Variants in NAV1 observed in about 807,000 individuals in gnomAD.
NAV1 encodes the protein pore membrane and/or filament interacting like protein 3.
Under a neutral mutation model 175.2 loss-of-function variants are expected in NAV1, and 18 were observed. The ratio of observed to expected loss-of-function variants is 0.10; its 90% confidence interval spans 0.07 to 0.15. NAV1 has a LOEUF of 0.15. NAV1 is among the 10% of genes least tolerant of loss of function. The probability of loss-of-function intolerance (pLI) is 1.00; values close to 1 mark genes in which losing one functional copy is unlikely to be tolerated. For synonymous variants in NAV1, 897 were observed against 978.7 expected (o/e 0.92, Z 1.56); for missense variants, 1,731 against 2,436.6 (o/e 0.71, Z 6.10).
chr1:201,693,393 G>A (rs145317592), intron 1 of NAV1, among the ~76,000 whole-genome samples: 1 of 152,210 alleles, frequency 6.6e-6, no homozygotes, highest in Non-Finnish European at 1.5e-5. Flanking sequence ...GCTGAATGGA[G>A]GCTGCTCACT....
chr1:201,674,862 C>T (rs771190371), intron 1 of NAV1, among the ~76,000 whole-genome samples: 11 of 152,084 alleles, frequency 7.2e-5, no homozygotes, highest in Non-Finnish European at 1.5e-4. Flanking sequence ...CATGGTGAAA[C>T]CCAATCTCTA....
intron 1 of NAV1, among the ~76,000 whole-genome samples, chr1:201,654,718 G>T (rs1309406745): frequency 2.0e-5 from 3 of 151,934 alleles, no homozygotes; most frequent in Non-Finnish European, 4.4e-5. Context: ...CCTTCCCTGA[G>T]ATTTCATAGA....
chr1:201,568,639 T>C (rs1311787135), intron 1 of NAV1, among the ~76,000 whole-genome samples: 1 of 152,198 alleles, frequency 6.6e-6, no homozygotes, highest in African/African-American at 2.4e-5. Flanking sequence ...TTTCCTCATC[T>C]GTAAAATGAA....
chr1:201,809,195 T>G (rs759835939), exon 21 of NAV1: 2 of 1,613,976 alleles, frequency 1.2e-6, no homozygotes, highest in Admixed American at 1.7e-5. Flanking sequence ...TCAGTACTTG[T>G]GGTCCAAAGG....
Position 201,564,182 on chromosome 1 carries a change from G to T in NAV1, c.-143-24357G>T, listed in dbSNP as rs552989335. On this transcript the variant is annotated intron_variant, in intron 1 of 33. Transcript: ENST00000685211. ...GGAAGGCAGGCAGGCAGGCAGGCAG[G>T]CATCCTCGGCCCTGGCACAGGGTCT... Among the ~76,000 whole-genome samples the T allele has an allele frequency of 1.7e-3, 253 of 152,168 alleles. 3 individuals are homozygous for T. The highest frequency in any genetic ancestry group is 5.7e-3 in the African/African-American group (236 of 41,484).
intron 29 of NAV1, among the ~76,000 whole-genome samples, chr1:201,817,710 G>A (rs1679140772): frequency 6.6e-6 from 1 of 152,044 alleles, no homozygotes; most frequent in Admixed American, 6.6e-5. Context: ...CATGATGTAG[G>A]AATATCAACC....
chr1:201,736,705 G>T (rs1435081678), intron 3 of NAV1, among the ~76,000 whole-genome samples: 2 of 152,282 alleles, frequency 1.3e-5, no homozygotes, highest in South Asian at 4.2e-4. Context: ...GTAAAGAGCT[G>T]CTGTGAGAGT....
At chr1:201,669,315 G>C (rs1034928782) in intron 1 of NAV1, among the ~76,000 whole-genome samples, 2 of 152,224 alleles carry the variant, frequency 1.3e-5, no homozygotes, top group African/African-American at 4.8e-5. Context: ...GGCCAGGGAG[G>C]GCTTCTCTGA....
intron 29 of NAV1, among the ~76,000 whole-genome samples, chr1:201,817,772 C>G (rs1394772653): frequency 1.3e-5 from 2 of 152,182 alleles, no homozygotes; most frequent in Non-Finnish European, 2.9e-5. Context: ...TCTGCTTCTC[C>G]TCTGACGCTA....
At position 201,808,650 on chromosome 1, in the gene NAV1, A is replaced by C. The variant is rs1199349013; in HGVS notation, c.4038+40A>C. On this transcript the variant is annotated intron_variant, in intron 19 of 29. Transcript: ENST00000367296. This position sits in a 1 kb window ranked among gnomAD's most constrained non-coding sequence, Gnocchi z 5.5. ...GGACAGCTGCAGGAAAGGGAAGACCAAGGCTTGCTGTCTGTCCAGTCTGCC... is the reference window on the plus strand; with the variant it reads ...GGACAGCTGCAGGAAAGGGAAGACCCAGGCTTGCTGTCTGTCCAGTCTGCC... 1 of 1,614,188 alleles carries C rather than the reference A, an allele frequency of 6.2e-7. No homozygotes were observed. The highest frequency in any genetic ancestry group is 8.5e-7 in the Non-Finnish European group (1 of 1,180,018).
intron 2 of NAV1, among the ~76,000 whole-genome samples, chr1:201,605,265 C>T (rs995695292): frequency 6.6e-6 from 1 of 151,814 alleles, no homozygotes. Flanking sequence ...GGCAGCCAAT[C>T]CTGTACCTCC....
rs754882904 is a variant in NAV1, at chr1:201,718,639, C to T, written c.1110C>T (p.Ser370=). ...GCCCCAGCAAGCTCAGCCATATCTC[C>T]CGCCTGGAGCTGGTCGAATCCCTGG... The change falls in exon 3 of 30, where the codon TCC becomes TCT. Residue 370 remains serine, a synonymous_variant. Coordinates refer to ENST00000367296, the Ensembl canonical transcript of NAV1. This position sits in a 1 kb window ranked among gnomAD's most constrained non-coding sequence, Gnocchi z 4.8. 1.9e-6 allele frequency: 3 copies of T among 1,614,180 alleles called. No individual in the cohort carries two copies. The highest frequency in any genetic ancestry group is 2.2e-5 in the South Asian group (2 of 91,086).
At chr1:201,578,660 G>A (rs931228154) in intron 1 of NAV1, among the ~76,000 whole-genome samples, 1 of 152,108 alleles carries the variant, frequency 6.6e-6, no homozygotes, top group African/African-American at 2.4e-5. Context: ...TGGGGTTGTT[G>A]GGCACTTCAT....
intron 2 of NAV1, among the ~76,000 whole-genome samples, chr1:201,593,111 T>G (rs1667250623): frequency 6.6e-6 from 1 of 152,140 alleles, no homozygotes; most frequent in Non-Finnish European, 1.5e-5. Context: ...AGTTTTGATA[T>G]CTGGGGCTGA....
chr1:201,780,098 A>C (rs1408743176), intron 3 of NAV1, among the ~76,000 whole-genome samples: 4 of 152,242 alleles, frequency 2.6e-5, no homozygotes, highest in Non-Finnish European at 5.9e-5. Flanking sequence ...GGTTGTTTAC[A>C]GGGAGAGTAA....
intron 2 of NAV1, among the ~76,000 whole-genome samples, chr1:201,615,978 G>A (rs1388534373): frequency 1.3e-5 from 2 of 151,970 alleles, no homozygotes; most frequent in Non-Finnish European, 1.5e-5. Context: ...CCCTGGGTAC[G>A]TGGGATGGAG....
chr1:201,643,091 CTTTT>C (rs113268097), intron 2 of NAV1, among the ~76,000 whole-genome samples: 1 of 148,842 alleles, frequency 6.7e-6, no homozygotes, highest in Non-Finnish European at 1.5e-5. Flanking sequence ...CTCTTTCTTT[CTTTT>C]TCTCTTTCTT....
At chr1:201,617,238 C>CTG (rs1451666284) in intron 2 of NAV1, among the ~76,000 whole-genome samples, 12 of 150,552 alleles carry the variant, frequency 8.0e-5, no homozygotes, top group African/African-American at 2.2e-4. Flanking sequence ...CTCTCTCTCT[C>CTG]TCTGTCTGTC....
chr1:201,591,287 G>A (rs952530606), intron 2 of NAV1, among the ~76,000 whole-genome samples: 2 of 152,162 alleles, frequency 1.3e-5, no homozygotes, highest in Admixed American at 6.5e-5. Context: ...TGGGGGAGAC[G>A]AGGCAAGGGA....
Sources: gnomAD v4.1 joint callset for allele counts (sites outside exome capture counted in the v4.1 genomes callset) on GRCh38, gnomAD v4.1.1 for gene constraint, Gnocchi (gnomAD v3.1) non-coding constraint, MANE v1.5 for transcripts, NCBI Gene and HGNC (gene_info 2026-07-23, HGNC 2026-07-21) for gene names.